The following CADPS2 variants were observed in gnomAD, a reference collection of about 807,000 sequenced individuals.
CADPS2 encodes the protein calcium dependent secretion activator 2.
CADPS2 carries 93 observed loss-of-function variants against 172.5 expected under a neutral mutation model. That is an observed-to-expected ratio of 0.54 (90% CI 0.46 to 0.64). The LOEUF is 0.64. Among genes scored for constraint, CADPS2 ranks in the 30% least tolerant of loss-of-function variants. The probability of loss-of-function intolerance (pLI) is 0.00; values close to 1 mark genes in which losing one functional copy is unlikely to be tolerated. For missense variants in CADPS2, 1,420 were observed against 1,565.9 expected (o/e 0.91, Z 1.57); for synonymous variants, 546 against 555.2 (o/e 0.98, Z 0.23).
intron 15 of CADPS2, among the ~76,000 whole-genome samples, chr7:122,450,521 CTTTTTT>C (rs11422329): frequency 1.3e-5 from 1 of 79,130 alleles, no homozygotes; most frequent in Non-Finnish European, 2.5e-5. Context: ...TATTGGTGGC[CTTTTTT>C]TTTTTTTTTT....
intron 1 of CADPS2, among the ~76,000 whole-genome samples, chr7:122,819,175 C>A (rs1236394494): frequency 2.0e-5 from 3 of 152,204 alleles, no homozygotes; most frequent in African/African-American, 7.2e-5. Flanking sequence ...AGAACCTCCT[C>A]CCACAGGAGC....
At chr7:122,589,628 C>T (rs916307395) in intron 6 of CADPS2, among the ~76,000 whole-genome samples, 2 of 151,900 alleles carry the variant, frequency 1.3e-5, no homozygotes, top group African/African-American at 2.4e-5. Context: ...GCTGCTGACA[C>T]GTCGTTTACT....
At position 122,474,430 on chromosome 7, in the gene CADPS2, A is replaced by G. The variant is rs2056382586; in HGVS notation, c.1949T>C (p.Leu650Pro). Residue 650 changes from leucine to proline, a missense_variant, in exon 13 of 30, where the codon CTC (leucine) becomes CCC (proline). Transcript: ENST00000449022. ...TCTGTGATCCAAAGTCTGCCTCTGG[A>G]GTATTCTAAAAAGGAAGGCATGATC... Reference protein sequence around the residue: ...KLDHAFLFRILQRQTLDHRLN... With the variant: ...KLDHAFLFRIPQRQTLDHRLN... The G allele has an allele frequency of 6.2e-7, 1 of 1,613,382 alleles. No homozygotes were observed. Among genetic ancestry groups the G allele is most frequent in the African/African-American group, 1.3e-5 (1 of 74,872 alleles).
At chr7:122,735,989 A>G (rs1224406763) in intron 2 of CADPS2, among the ~76,000 whole-genome samples, 1 of 152,202 alleles carries the variant, frequency 6.6e-6, no homozygotes, top group Admixed American at 6.6e-5. Flanking sequence ...ATTCTGAGAC[A>G]AGGTCCAGTT....
chr7:122,586,567 CCT>C (rs1218580687), intron 6 of CADPS2, among the ~76,000 whole-genome samples: 1 of 151,822 alleles, frequency 6.6e-6, no homozygotes, highest in Non-Finnish European at 1.5e-5. Context: ...GCCGAGTTAC[CCT>C]GTTTTAATTA....
At chr7:122,601,498 C>G (rs1430919303) in intron 6 of CADPS2, among the ~76,000 whole-genome samples, 5 of 151,334 alleles carry the variant, frequency 3.3e-5, no homozygotes, top group African/African-American at 1.2e-4. Flanking sequence ...TATTTTTTAG[C>G]CACACTTCAC....
chr7:122,885,922 G>A (rs1824236767), intron 1 of CADPS2, 77 bp downstream of exon 1: 2 of 1,495,360 alleles, frequency 1.3e-6, no homozygotes, highest in Admixed American at 3.9e-5. Flanking sequence ...CAGAAGGACG[G>A]GAGGCGTCCC....
At chr7:122,460,903 T>C (rs1194164875) in intron 14 of CADPS2, among the ~76,000 whole-genome samples, 2 of 152,098 alleles carry the variant, frequency 1.3e-5, no homozygotes, top group African/African-American at 4.8e-5. Flanking sequence ...ACTGAAGAAA[T>C]AGAGTAAGGG....
chr7:122,372,695 G>A (rs887532341), intron 25 of CADPS2, among the ~76,000 whole-genome samples: 1 of 152,182 alleles, frequency 6.6e-6, no homozygotes, highest in African/African-American at 2.4e-5. Flanking sequence ...ACTTTATGTT[G>A]AGTTAATTAT....
At chr7:122,468,059 A>G (rs2055399032) in intron 14 of CADPS2, among the ~76,000 whole-genome samples, 1 of 152,154 alleles carries the variant, frequency 6.6e-6, no homozygotes, top group African/African-American at 2.4e-5. Context: ...TCAGAGATGT[A>G]TCTGTACAGA....
chr7:122,638,492 G>A (rs918686207), intron 3 of CADPS2, among the ~76,000 whole-genome samples: 1 of 152,124 alleles, frequency 6.6e-6, no homozygotes, highest in Non-Finnish European at 1.5e-5. Flanking sequence ...TGTCAAGAGG[G>A]AGTAGAGCAA....
intron 9 of CADPS2, among the ~76,000 whole-genome samples, chr7:122,491,828 A>C (rs2058314062): frequency 6.6e-6 from 1 of 152,194 alleles, no homozygotes; most frequent in Non-Finnish European, 1.5e-5. Flanking sequence ...GATTAGGAGT[A>C]GTCCTAGATT....
intron 25 of CADPS2, among the ~76,000 whole-genome samples, chr7:122,373,946 G>C (rs2042056253): frequency 6.6e-6 from 1 of 151,958 alleles, no homozygotes; most frequent in South Asian, 2.1e-4. Flanking sequence ...CCAGACAAAA[G>C]ATACTGCCAG....
chr7:122,481,162 CTTTTTTTTTTTTTT>C (rs35352953), intron 11 of CADPS2, among the ~76,000 whole-genome samples: 1 of 107,546 alleles, frequency 9.3e-6, no homozygotes, highest in African/African-American at 3.6e-5. Context: ...TTTCTTCATT[CTTTTTTTTTTTTTT>C]TTTTTTTTTG....
At chr7:122,386,153 C>G (rs2043639187) in intron 24 of CADPS2, 1 of 493,306 alleles carries the variant, frequency 2.0e-6, no homozygotes, top group East Asian at 3.4e-5. Flanking sequence ...AGCTGTTAGC[C>G]TTATATATGC....
At chr7:122,747,566 T>C (rs1054259159) in intron 1 of CADPS2, among the ~76,000 whole-genome samples, 11 of 152,148 alleles carry the variant, frequency 7.2e-5, no homozygotes, top group Non-Finnish European at 1.3e-4. Context: ...TTCTAACCTC[T>C]TTACATAGAT....
chr7:122,795,134 G>A (rs1589245372), intron 1 of CADPS2, among the ~76,000 whole-genome samples: 2 of 151,604 alleles, frequency 1.3e-5, no homozygotes, highest in Admixed American at 1.3e-4. Context: ...CTGAACTGAA[G>A]GAGATTGAGA....
At chr7:122,780,305 C>T (rs1751354083) in intron 1 of CADPS2, among the ~76,000 whole-genome samples, 1 of 152,152 alleles carries the variant, frequency 6.6e-6, no homozygotes, top group Admixed American at 6.5e-5. Context: ...ACATCCCCCT[C>T]TCTGCAACTG....
intron 7 of CADPS2, among the ~76,000 whole-genome samples, chr7:122,568,247 T>C (rs918241910): frequency 3.3e-5 from 5 of 151,136 alleles, no homozygotes; most frequent in Admixed American, 6.6e-5. Context: ...AAAACAAAAA[T>C]AACAACAACA....
Sources: gnomAD v4.1 joint callset for allele counts (sites outside exome capture counted in the v4.1 genomes callset) on GRCh38, gnomAD v4.1.1 for gene constraint, MANE v1.5 for transcripts, NCBI Gene and HGNC (gene_info 2026-07-23, HGNC 2026-07-21) for gene names.